Variants in TASP1 observed in about 807,000 individuals in gnomAD.
The protein encoded by TASP1 is threonine aspartase 1.
TASP1 carries 16 observed loss-of-function variants against 56.6 expected under a neutral mutation model. The observed-to-expected ratio is 0.28, with a 90% CI of 0.19 to 0.43. The LOEUF (loss-of-function observed/expected upper bound fraction) is 0.43, where lower values mean the gene tolerates loss of function less well. TASP1 is among the 20% of genes least tolerant of loss of function. TASP1 has a pLI of 1.00. For synonymous variants in TASP1, 179 were observed against 184.2 expected (o/e 0.97, Z 0.23); for missense variants, 393 against 511.6 (o/e 0.77, Z 2.24).
chr20:13,217,787 A>G, the TASP1 span, among the ~76,000 whole-genome samples: 1 of 152,234 alleles, frequency 6.6e-6, no homozygotes, highest in African/African-American at 2.4e-5. Context: ...CAGGATGTAT[A>G]TACTATTATA....
chr20:13,335,030 G>T, the TASP1 span, among the ~76,000 whole-genome samples: 1 of 152,148 alleles, frequency 6.6e-6, no homozygotes, highest in African/African-American at 2.4e-5. Flanking sequence ...GTGCTTATAA[G>T]CAGTGAGTAT....
intron 10 of TASP1, among the ~76,000 whole-genome samples, chr20:13,504,949 A>G (rs1395937053): frequency 6.6e-6 from 1 of 152,158 alleles, no homozygotes; most frequent in Non-Finnish European, 1.5e-5. Flanking sequence ...CCTACTATCA[A>G]TAATTACATT....
chr20:13,221,062 C>A, the TASP1 span, among the ~76,000 whole-genome samples: 2 of 152,090 alleles, frequency 1.3e-5, no homozygotes, highest in Non-Finnish European at 2.9e-5. Flanking sequence ...CATCTGGAAC[C>A]GGCCCTCCCC....
the TASP1 span, among the ~76,000 whole-genome samples, chr20:13,275,319 C>T: frequency 4.6e-5 from 7 of 152,158 alleles, no homozygotes; most frequent in Non-Finnish European, 1.0e-4. Flanking sequence ...TACAGTTGTA[C>T]GTGCTTCTAC....
chr20:13,519,509 A>G (rs949792354), intron 10 of TASP1, among the ~76,000 whole-genome samples: 1 of 152,202 alleles, frequency 6.6e-6, no homozygotes, highest in African/African-American at 2.4e-5. Context: ...AAACAGAACC[A>G]ATGACAAAAA....
At chr20:13,334,161 G>A in the TASP1 span, among the ~76,000 whole-genome samples, 2 of 152,170 alleles carry the variant, frequency 1.3e-5, no homozygotes, top group Non-Finnish European at 2.9e-5. Context: ...GCCAAGCTAT[G>A]GAAGTCACAG....
At chr20:13,572,541 C>T (rs1180098016) in intron 6 of TASP1, among the ~76,000 whole-genome samples, 1 of 151,950 alleles carries the variant, frequency 6.6e-6, no homozygotes, top group Non-Finnish European at 1.5e-5. Flanking sequence ...AAAAAATATG[C>T]CGGGTGTGAT....
At chr20:13,491,643 T>A (rs919158532) in intron 10 of TASP1, among the ~76,000 whole-genome samples, 1 of 152,216 alleles carries the variant, frequency 6.6e-6, no homozygotes, top group African/African-American at 2.4e-5. Flanking sequence ...TATTGTCAAA[T>A]TAAGTTTTAG....
At chr20:13,117,372 C>A in the TASP1 span, 1 of 818,986 alleles carries the variant, frequency 1.2e-6, no homozygotes, top group Non-Finnish European at 1.8e-6. Context: ...TTGTCTCAGC[C>A]AAATAAAACA....
At chr20:13,250,911 A>G in the TASP1 span, among the ~76,000 whole-genome samples, 1 of 152,098 alleles carries the variant, frequency 6.6e-6, no homozygotes, top group African/African-American at 2.4e-5. Context: ...CTTTGCCCCC[A>G]TCTATTTTAC....
chr20:13,224,521 C>T, the TASP1 span, among the ~76,000 whole-genome samples: 1 of 152,148 alleles, frequency 6.6e-6, no homozygotes, highest in South Asian at 2.1e-4. Context: ...TGGTTCTGTG[C>T]TATCCTGAGC....
chr20:13,283,939 T>C, the TASP1 span, among the ~76,000 whole-genome samples: 2 of 152,162 alleles, frequency 1.3e-5, no homozygotes, highest in African/African-American at 2.4e-5. Context: ...TGGGCCAGAA[T>C]CAAAACTGCT....
intron 10 of TASP1, among the ~76,000 whole-genome samples, chr20:13,487,580 G>A (rs1052979368): frequency 1.1e-4 from 17 of 152,150 alleles, no homozygotes; most frequent in African/African-American, 3.9e-4. Context: ...TCCTGTTGCT[G>A]AGAATTCAGC....
the TASP1 span, among the ~76,000 whole-genome samples, chr20:13,340,719 T>C: frequency 6.6e-6 from 1 of 152,328 alleles, no homozygotes; most frequent in South Asian, 2.1e-4. Flanking sequence ...CAATAAATTA[T>C]TGCGAAGTCT....
At chr20:13,140,174 T>C in the TASP1 span, among the ~76,000 whole-genome samples, 1 of 152,034 alleles carries the variant, frequency 6.6e-6, no homozygotes, top group Non-Finnish European at 1.5e-5. Context: ...CATACAGACA[T>C]TAAGGACTTT....
the TASP1 span, among the ~76,000 whole-genome samples, chr20:13,265,556 G>A: frequency 6.6e-6 from 1 of 152,088 alleles, no homozygotes; most frequent in East Asian, 1.9e-4. Context: ...CTTGCTTCTT[G>A]TTGCAGGAAA....
intron 12 of TASP1, among the ~76,000 whole-genome samples, chr20:13,426,250 C>A (rs1395397262): frequency 6.6e-6 from 1 of 152,132 alleles, no homozygotes; most frequent in Non-Finnish European, 1.5e-5. Context: ...TTTATTAAAA[C>A]GCAATTTTAT....
intron 8 of TASP1, among the ~76,000 whole-genome samples, chr20:13,545,151 A>G (rs1177178369): frequency 6.6e-6 from 1 of 152,242 alleles, no homozygotes; most frequent in African/African-American, 2.4e-5. Context: ...AAAGATAAGC[A>G]TATTGAAAAG....
the TASP1 span, among the ~76,000 whole-genome samples, chr20:13,347,828 C>T: frequency 1.2e-4 from 18 of 146,930 alleles, no homozygotes; most frequent in Non-Finnish European, 1.5e-4. Context: ...GGCGACATAG[C>T]GAGACTTTGT....
Sources: gnomAD v4.1 joint callset for allele counts (sites outside exome capture counted in the v4.1 genomes callset) on GRCh38, gnomAD v4.1.1 for gene constraint, MANE v1.5 for transcripts, NCBI Gene and HGNC (gene_info 2026-07-23, HGNC 2026-07-21) for gene names.